The following GGA1 variants were observed in gnomAD, a reference collection of about 807,000 sequenced individuals.
The protein encoded by GGA1 is ADP-ribosylation factor-binding protein GGA1.
GGA1 carries 18 observed loss-of-function variants against 76.9 expected under a neutral mutation model. That is an observed-to-expected ratio of 0.23 (90% CI 0.16 to 0.35). The LOEUF (loss-of-function observed/expected upper bound fraction) is 0.35. Ranked by LOEUF, GGA1 falls within the 10% of genes least tolerant of loss-of-function variation. GGA1 has a pLI of 1.00. For synonymous variants in GGA1, 342 were observed against 354.7 expected, an observed-to-expected ratio of 0.96 and a Z score of 0.40; for missense variants, 755 against 859.0, an observed-to-expected ratio of 0.88 and a Z score of 1.51.
intron 13 of GGA1, 51 bp from the exon 14 acceptor site, chr22:37,630,852 G>C (rs914252653): frequency 1.5e-6 from 2 of 1,320,098 alleles, no homozygotes. Flanking sequence ...ACAGGGGTGA[G>C]CTACCACGCT....
Position 37,620,180 on chromosome 22 carries a change from G to C in GGA1, c.304-58G>C, listed in dbSNP as rs1025212744. 1.9e-6 allele frequency: 3 copies of C among 1,603,840 alleles called. No individual in the cohort carries two copies. The South Asian group carries it at 3.3e-5, about 18-fold the overall frequency. On this transcript the variant is annotated intron_variant, in intron 4 of 16. Coordinates refer to ENST00000343632, the MANE Select transcript of GGA1 (RefSeq NM_013365.5). Reference sequence around the variant, plus strand: ...AGGCAGTAGGGTGTGGACAGGGCTTGAGACTGAAGTGAGTGGGGCTGGGCA... The same window carrying C: ...AGGCAGTAGGGTGTGGACAGGGCTTCAGACTGAAGTGAGTGGGGCTGGGCA...
At position 37,628,734 on chromosome 22, in the gene GGA1, G is replaced by A. The variant is rs116754641; in HGVS notation, c.1094-728G>A. Among the ~76,000 whole-genome samples, 406 of 152,326 alleles carry A rather than the reference G, an allele frequency of 2.7e-3. 1 individual carries two copies. Among genetic ancestry groups the A allele is most frequent in the African/African-American group, 9.3e-3 (386 of 41,564 alleles). ...GCCTTTGCCTGTCAGGTAGCACTTC[G>A]GTTTGGACCTCACTTTTTCAGGATT... On this transcript the variant is annotated intron_variant, in intron 11 of 16. Transcript: ENST00000343632.
At chr22:37,612,431 C>T in intron 1 of GGA1, 1 of 145,588 alleles carries the variant, frequency 6.9e-6, no homozygotes, top group Non-Finnish European at 1.5e-5. Flanking sequence ...GAGATCACAC[C>T]ACTGCACTCC....
chr22:37,616,559 C>T (rs965549962), intron 2 of GGA1, among the ~76,000 whole-genome samples: 1 of 152,214 alleles, frequency 6.6e-6, no homozygotes, highest in African/African-American at 2.4e-5. Context: ...CTGCCCGTCT[C>T]TCATGGCATA....
In GGA1 at chr22:37,614,193, G is replaced by T. The variant is rs749925397; in HGVS notation, c.47G>T (p.Arg16Ile). 1.2e-6 allele frequency: 2 copies of T among 1,611,838 alleles called. No individual in the cohort carries two copies. Among genetic ancestry groups the T allele is most frequent in the Non-Finnish European group, 1.7e-6 (2 of 1,178,148 alleles). Reference protein sequence around the residue: ...EPETLEARINRATNPLNKELD... With the variant: ...EPETLEARINIATNPLNKELD... ...GACCCCAGCTCTCCTCTTCCAGATAGAGCCACGAACCCCCTGAACAAGGAG... is the reference window on the plus strand; with the variant it reads ...GACCCCAGCTCTCCTCTTCCAGATATAGCCACGAACCCCCTGAACAAGGAG... The change falls in exon 2 of 17, where the codon AGA (arginine) becomes ATA (isoleucine). Residue 16 changes from arginine to isoleucine, a missense_variant. Coordinates refer to ENST00000343632, the MANE Select transcript of GGA1 (RefSeq NM_013365.5).
In GGA1 at chr22:37,630,990, C is replaced by T; in HGVS notation, c.1419C>T (p.Thr473=). 6.2e-7 allele frequency: 1 copy of T among 1,613,564 alleles called. No homozygotes were observed. The highest frequency in any genetic ancestry group is 8.5e-7 in the Non-Finnish European group (1 of 1,179,764). Reference sequence around the variant, plus strand: ...GCAGCTCCCCCAGCTCCAGCGCCACCAGCCTTCTCCACACCGTGTCCCCAG... The same window carrying T: ...GCAGCTCCCCCAGCTCCAGCGCCACTAGCCTTCTCCACACCGTGTCCCCAG... ...SSCSSPSSSA[T]SLLHTVSPEP... Residue 473 remains threonine (T), a synonymous_variant, in exon 14 of 17, where the codon ACC becomes ACT. Coordinates refer to ENST00000343632, the MANE Select transcript of GGA1 (RefSeq NM_013365.5).
intron 1 of GGA1, 76 bp from the exon 2 acceptor site, chr22:37,614,114 A>G: frequency 1.0e-6 from 1 of 991,652 alleles, no homozygotes; most frequent in Non-Finnish European, 1.6e-6. Flanking sequence ...TCCTGACCAC[A>G]CCTTTGCCAG....
At chr22:37,617,305 CAG>C (rs2145912510) in intron 3 of GGA1, 3 of 1,280,478 alleles carry the variant, frequency 2.3e-6, no homozygotes, top group South Asian at 3.7e-5. Flanking sequence ...CACATGGAAT[CAG>C]GGCTCCACCC....
intron 7 of GGA1, among the ~76,000 whole-genome samples, chr22:37,622,774 T>A (rs1930129643): frequency 6.6e-6 from 1 of 152,202 alleles, no homozygotes; most frequent in Non-Finnish European, 1.5e-5. Flanking sequence ...AGGCCACTTT[T>A]CACTCTGCAA....
chr22:37,625,676 G>T lies in GGA1; in HGVS notation c.941-121G>T, dbSNP rs1240977321. 1.5e-6 allele frequency: 1 copy of T among 684,116 alleles called. No individual in the cohort carries two copies. The highest frequency in any genetic ancestry group is 2.3e-6 in the Non-Finnish European group (1 of 428,348). 42.4% of individuals were successfully genotyped at this position (684,116 alleles called of 1,614,324 possible). Reference sequence around the variant, plus strand: ...GGCAGGGGCTGGTGTGGCCAAGGAAGGGGAGGCAGGAGACCAGTGGTAAAG... The same window carrying T: ...GGCAGGGGCTGGTGTGGCCAAGGAATGGGAGGCAGGAGACCAGTGGTAAAG... On this transcript the variant is annotated intron_variant, in intron 10 of 16. Transcript: ENST00000343632. This position sits in a 1 kb window ranked among gnomAD's most constrained non-coding sequence, Gnocchi z 4.1.
At chr22:37,612,379 G>A (rs949707247) in intron 1 of GGA1, among the ~76,000 whole-genome samples, 1 of 149,752 alleles carries the variant, frequency 6.7e-6, no homozygotes, top group Non-Finnish European at 1.5e-5. Flanking sequence ...GGCTGAGGCA[G>A]GAGAATGGCG....
chr22:37,623,289 C>A lies in GGA1; in HGVS notation c.610-38C>A. 6.2e-7 allele frequency: 1 copy of A among 1,609,400 alleles called. No individual in the cohort carries two copies. Among genetic ancestry groups the A allele is most frequent in the Non-Finnish European group, 8.5e-7 (1 of 1,175,930 alleles). On this transcript the variant is annotated intron_variant, in intron 7 of 16. Coordinates refer to ENST00000343632, the MANE Select transcript of GGA1 (RefSeq NM_013365.5). This position sits in a 1 kb window ranked among gnomAD's most constrained non-coding sequence, Gnocchi z 4.6. ...GCAGGGGGCAGTGCCTCGTCCAGGC[C>A]AAAGGTTCTCAGGGGCCCTTGGCCA...
chr22:37,616,865 C>G, intron 2 of GGA1, 57 bp from the exon 3 acceptor site: 1 of 1,528,562 alleles, frequency 6.5e-7, no homozygotes, highest in Non-Finnish European at 8.8e-7. Context: ...GGGTCGTGGC[C>G]CTAGGGTGAC....
chr22:37,623,972 G>A lies in GGA1; in HGVS notation c.832+339G>A, dbSNP rs1039518915. The A allele has an allele frequency of 2.6e-5, 7 of 271,010 alleles. No individual in the cohort carries two copies. The highest frequency in any genetic ancestry group is 6.5e-5 in the African/African-American group (3 of 45,846). 16.8% of individuals were successfully genotyped at this position (271,010 alleles called of 1,614,324 possible). On this transcript the variant is annotated intron_variant, in intron 9 of 16. Transcript: ENST00000343632. This position sits in a 1 kb window ranked among gnomAD's most constrained non-coding sequence, Gnocchi z 4.6. ...GAACAGTGGCAGAGCCAGGGGAGAC[G>A]GAGGGCCATCTGCCCCCAGACCTTC...
intron 1 of GGA1, among the ~76,000 whole-genome samples, chr22:37,609,516 A>C (rs1200220159): frequency 6.6e-6 from 1 of 152,104 alleles, no homozygotes; most frequent in Non-Finnish European, 1.5e-5. Flanking sequence ...AATAATTCCA[A>C]GCTCCCTGTC....
At chr22:37,626,583 C>T (rs1568989282) in intron 11 of GGA1, 1 of 152,260 alleles carries the variant, frequency 6.6e-6, no homozygotes, top group Admixed American at 6.5e-5. Context: ...CTGAGAGCCA[C>T]TGAAGGGATG....
intron 11 of GGA1, chr22:37,626,539 C>T (rs1229247112): frequency 6.6e-6 from 1 of 152,242 alleles, no homozygotes; most frequent in Non-Finnish European, 1.5e-5. Context: ...GGGCAGCAGC[C>T]CCATCCGAGA....
chr22:37,609,183 G>A (rs1248626456), intron 1 of GGA1: 11 of 1,408,806 alleles, frequency 7.8e-6, no homozygotes, highest in Admixed American at 2.6e-5. Context: ...CCCCGGGACG[G>A]AGAGAGCAGC....
chr22:37,632,245 AG>A lies in GGA1; in HGVS notation c.1698+85del. ...GGAGCTGGGTGGGGAGCCACCTGTC[AG>A]GGGGCAGGTCTCCCTCCCTTGCTGG... On this transcript the variant is annotated intron_variant, in intron 15 of 16. Transcript: ENST00000343632. This position sits in a 1 kb window ranked among gnomAD's most constrained non-coding sequence, Gnocchi z 5.1. The A allele has an allele frequency of 7.0e-7, 1 of 1,427,854 alleles. No individual in the cohort carries two copies. 88.4% of individuals were successfully genotyped at this position (1,427,854 alleles called of 1,614,324 possible). A position where few individuals can be genotyped will look rare whatever the true frequency, so the allele number is the denominator to read the frequency against.
Sources: gnomAD v4.1 joint callset for allele counts (sites outside exome capture counted in the v4.1 genomes callset) on GRCh38, gnomAD v4.1.1 for gene constraint, Gnocchi (gnomAD v3.1) non-coding constraint, MANE v1.5 for transcripts, NCBI Gene and HGNC (gene_info 2026-07-23, HGNC 2026-07-21) for gene names.